Variants in KCNG3 observed in about 807,000 individuals in gnomAD.
The protein encoded by KCNG3 is voltage-gated potassium channel regulatory subunit KCNG3.
KCNG3 carries 15 observed loss-of-function variants against 29.0 expected under a neutral mutation model. That is an observed-to-expected ratio of 0.52 (90% CI 0.35 to 0.80). KCNG3 has a LOEUF of 0.80. Ranked by LOEUF, KCNG3 falls within the 30% of genes least tolerant of loss-of-function variation. The probability of loss-of-function intolerance (pLI) is 0.01; values close to 1 mark genes in which losing one functional copy is unlikely to be tolerated. For synonymous variants in KCNG3, 322 were observed against 248.9 expected (o/e 1.29, Z -2.76); for missense variants, 512 against 605.7 (o/e 0.85, Z 1.62).
At chr2:42,482,743 A>G (rs1673620263) in intron 1 of KCNG3, among the ~76,000 whole-genome samples, 1 of 151,890 alleles carries the variant, frequency 6.6e-6, no homozygotes, top group African/African-American at 2.4e-5. Context: ...CAAAAACAAA[A>G]ACACTCTAGA....
the KCNG3 span, among the ~76,000 whole-genome samples, chr2:42,412,761 G>C: frequency 6.6e-6 from 1 of 152,042 alleles, no homozygotes; most frequent in Admixed American, 6.6e-5. Flanking sequence ...TGTTTGTTGA[G>C]AAAGAAATAC....
the KCNG3 span, among the ~76,000 whole-genome samples, chr2:42,422,706 T>C: frequency 6.6e-6 from 1 of 152,200 alleles, no homozygotes; most frequent in African/African-American, 2.4e-5. Flanking sequence ...GCTCAGGGTT[T>C]AATATGGATG....
chr2:42,463,862 G>T, intron 1 of KCNG3: 1 of 277,546 alleles, frequency 3.6e-6, no homozygotes, highest in South Asian at 3.4e-5. Flanking sequence ...AGTGTTGGCT[G>T]AGCCTAGTTT....
chr2:42,467,739 G>A (rs961441623), intron 1 of KCNG3, among the ~76,000 whole-genome samples: 2 of 151,482 alleles, frequency 1.3e-5, no homozygotes, highest in African/African-American at 2.4e-5. Context: ...GGAGGCCAAG[G>A]CAGGCAGACT....
chr2:42,462,519 T>TA (rs1558380185), intron 1 of KCNG3, among the ~76,000 whole-genome samples: 1 of 151,956 alleles, frequency 6.6e-6, no homozygotes, highest in Admixed American at 6.6e-5. Context: ...CCGTCTCTAC[T>TA]AAAAATACAA....
the KCNG3 span, among the ~76,000 whole-genome samples, chr2:42,415,254 G>C: frequency 6.6e-6 from 1 of 152,296 alleles, no homozygotes; most frequent in South Asian, 2.1e-4. Flanking sequence ...CTACCTTATA[G>C]TGAGGTCTCA....
rs1572867017 is a variant in KCNG3, at chr2:42,486,993, C to T, written c.665+5844G>A. 2.6e-5 allele frequency among the ~76,000 whole-genome samples: 4 copies of T among 151,920 alleles called. No individual in the cohort carries two copies. In the East Asian group the frequency reaches 7.8e-4, roughly 30 times the overall value. On this transcript the variant is annotated intron_variant, in intron 1 of 1. Coordinates refer to ENST00000306078, the MANE Select transcript of KCNG3 (RefSeq NM_133329.6). ...CCAATATGGTTAAACCCCATCTCTACTAAAAATACAAAAATTAGCCGGGCA... is the reference window on the plus strand; with the variant it reads ...CCAATATGGTTAAACCCCATCTCTATTAAAAATACAAAAATTAGCCGGGCA...
chr2:42,459,414 C>T (rs891799777), intron 1 of KCNG3, among the ~76,000 whole-genome samples: 1 of 152,184 alleles, frequency 6.6e-6, no homozygotes, highest in African/African-American at 2.4e-5. Context: ...GGCAAGTCAA[C>T]TAATGTGCAC....
chr2:42,479,737 G>A (rs938051788), intron 1 of KCNG3, among the ~76,000 whole-genome samples: 10 of 150,798 alleles, frequency 6.6e-5, no homozygotes, highest in South Asian at 2.1e-4. Context: ...TCAGGCAGGC[G>A]GGGTGACTCA....
At chr2:42,484,502 A>G (rs1673672350) in intron 1 of KCNG3, among the ~76,000 whole-genome samples, 1 of 151,904 alleles carries the variant, frequency 6.6e-6, no homozygotes, top group South Asian at 2.1e-4. Flanking sequence ...GAAAATCTGT[A>G]TGTGTGTATA....
chr2:42,423,576 G>T, the KCNG3 span, among the ~76,000 whole-genome samples: 3 of 152,152 alleles, frequency 2.0e-5, no homozygotes, highest in African/African-American at 7.2e-5. Context: ...ATCGTCAAGG[G>T]TCTGTCTCCC....
chr2:42,450,617 T>C (rs1053689668), intron 1 of KCNG3, among the ~76,000 whole-genome samples: 5 of 152,262 alleles, frequency 3.3e-5, no homozygotes, highest in African/African-American at 9.6e-5. Context: ...TTCATGAATG[T>C]ATGCCTAATA....
the KCNG3 span, among the ~76,000 whole-genome samples, chr2:42,409,717 AAAAAAAAAAAAAT>A: frequency 6.7e-6 from 1 of 149,596 alleles, no homozygotes; most frequent in Non-Finnish European, 1.5e-5. Flanking sequence ...AAAAAAAAAA[AAAAAAAAAAAAAT>A]TTTTTTTTAA....
the KCNG3 span, among the ~76,000 whole-genome samples, chr2:42,401,313 C>A: frequency 1.3e-5 from 2 of 149,934 alleles, no homozygotes; most frequent in African/African-American, 4.9e-5. Flanking sequence ...CATTTAATAT[C>A]AAAATATAAA....
At chr2:42,408,722 G>A in the KCNG3 span, among the ~76,000 whole-genome samples, 7 of 152,136 alleles carry the variant, frequency 4.6e-5, no homozygotes, top group Non-Finnish European at 7.4e-5. Flanking sequence ...CTTCCTGGTT[G>A]CAGCACAAGA....
chr2:42,389,078 C>T, the KCNG3 span, among the ~76,000 whole-genome samples: 1 of 152,016 alleles, frequency 6.6e-6, no homozygotes, highest in African/African-American at 2.4e-5. Context: ...CCACCACACC[C>T]AGCTAATTTT....
chr2:42,421,006 G>GT, the KCNG3 span, among the ~76,000 whole-genome samples: 7 of 152,194 alleles, frequency 4.6e-5, no homozygotes, highest in Admixed American at 4.6e-4. Flanking sequence ...AGCTTTATGA[G>GT]TAAGAATGAC....
At chr2:42,435,912 C>T in the KCNG3 span, among the ~76,000 whole-genome samples, 1 of 152,142 alleles carries the variant, frequency 6.6e-6, no homozygotes, top group Admixed American at 6.5e-5. Context: ...AAAAGAAACC[C>T]TATGTCCACA....
intron 1 of KCNG3, among the ~76,000 whole-genome samples, chr2:42,487,760 A>G (rs1451099380): frequency 6.6e-6 from 1 of 152,256 alleles, no homozygotes; most frequent in Non-Finnish European, 1.5e-5. Context: ...TTTAACTCTC[A>G]GGAATGTATC....
Sources: gnomAD v4.1 joint callset for allele counts (sites outside exome capture counted in the v4.1 genomes callset) on GRCh38, gnomAD v4.1.1 for gene constraint, MANE v1.5 for transcripts, NCBI Gene and HGNC (gene_info 2026-07-23, HGNC 2026-07-21) for gene names.